The following MRAP2 variants were observed in gnomAD, a reference collection of about 807,000 sequenced individuals.
MRAP2 encodes melanocortin 2 receptor accessory protein 2, also known as melanocortin-2 receptor accessory protein 2.
In MRAP2, 20 loss-of-function variants were observed where a neutral mutation model predicts 17.4. The observed-to-expected ratio is 1.15, with a 90% confidence interval of 0.81 to 1.67. The LOEUF is 1.67. Ranked by LOEUF, MRAP2 falls within the 40% of genes most tolerant of loss-of-function variation. The probability of loss-of-function intolerance (pLI) is 0.00; values close to 1 mark genes in which losing one functional copy is unlikely to be tolerated. For synonymous variants in MRAP2, 96 were observed against 88.4 expected (o/e 1.09, Z -0.48); for missense variants, 238 against 240.0 (o/e 0.99, Z 0.05).
the MRAP2 span, among the ~76,000 whole-genome samples, chr6:84,097,161 C>T: frequency 6.6e-6 from 1 of 152,132 alleles, no homozygotes; most frequent in Non-Finnish European, 1.5e-5. Flanking sequence ...TGATCTATGT[C>T]CTACTCTCCT....
At chr6:84,045,296 G>A in intron 1 of MRAP2, 1 of 985,300 alleles carries the variant, frequency 1.0e-6, no homozygotes, top group Non-Finnish European at 1.2e-6. Flanking sequence ...GAGCTGTCAG[G>A]TACAGCTGAT....
intron 3 of MRAP2, among the ~76,000 whole-genome samples, chr6:84,073,787 A>G (rs187967653): frequency 3.2e-4 from 49 of 152,308 alleles, no homozygotes; most frequent in African/African-American, 1.1e-3. Flanking sequence ...TTGTAAACCA[A>G]GCTTGTCCAA....
intron 2 of MRAP2, among the ~76,000 whole-genome samples, chr6:84,056,124 C>T (rs1268055287): frequency 6.6e-6 from 1 of 152,156 alleles, no homozygotes; most frequent in Non-Finnish European, 1.5e-5. Flanking sequence ...AACTGCTGCC[C>T]AGTCTCAGAT....
chr6:84,088,387 T>C (rs924980758), intron 3 of MRAP2, among the ~76,000 whole-genome samples: 7 of 152,236 alleles, frequency 4.6e-5, no homozygotes, highest in Non-Finnish European at 1.0e-4. Context: ...ACTGCTTATT[T>C]GTTCCACGTT....
Position 84,089,202 on chromosome 6 carries a change from G to A in MRAP2, c.339G>A (p.Arg113=). Residue 113 remains arginine (R), a synonymous_variant, in exon 4 of 4, where the codon AGG becomes AGA. Coordinates refer to ENST00000257776, the MANE Select transcript of MRAP2 (RefSeq NM_138409.4). ...VFSRQGNEES[R]SLFHCYINEV... ...CTCGCCAAGGCAACGAGGAGTCCAG[G>A]TCTCTCTTTCACTGCTACATCAATG... The A allele has an allele frequency of 6.2e-7, 1 of 1,614,188 alleles. No individual in the cohort carries two copies. Among genetic ancestry groups the A allele is most frequent in the South Asian group, 1.1e-5 (1 of 91,090 alleles).
chr6:84,084,590 T>C (rs993096777), intron 3 of MRAP2, among the ~76,000 whole-genome samples: 2 of 152,226 alleles, frequency 1.3e-5, no homozygotes, highest in Admixed American at 6.5e-5. Flanking sequence ...TGGAATGCCA[T>C]AAGCAGTGAG....
At chr6:84,122,902 TACAAAAC>T in the MRAP2 span, among the ~76,000 whole-genome samples, 1 of 151,970 alleles carries the variant, frequency 6.6e-6, no homozygotes, top group South Asian at 2.1e-4. Context: ...AAAATCAATA[TACAAAAC>T]CCAGTGGAAT....
intron 3 of MRAP2, among the ~76,000 whole-genome samples, chr6:84,082,995 A>T (rs1413221426): frequency 2.0e-5 from 3 of 152,070 alleles, no homozygotes; most frequent in African/African-American, 7.2e-5. Flanking sequence ...CACCTTATCT[A>T]AAAAAAGTTC....
chr6:84,091,762 T>C (rs2099501819), downstream of MRAP2, among the ~76,000 whole-genome samples: 4 of 152,168 alleles, frequency 2.6e-5, no homozygotes, highest in South Asian at 8.3e-4. Flanking sequence ...TTGCCCCTTC[T>C]GCAAATCAGC....
chr6:84,098,653 A>T, the MRAP2 span, among the ~76,000 whole-genome samples: 1 of 152,136 alleles, frequency 6.6e-6, no homozygotes, highest in Non-Finnish European at 1.5e-5. Flanking sequence ...TTTAAATTGT[A>T]TTCATTCTAA....
chr6:84,044,652 TCTC>T (rs1183415540), intron 1 of MRAP2, among the ~76,000 whole-genome samples: 15 of 152,324 alleles, frequency 9.8e-5, no homozygotes, highest in Middle Eastern at 6.8e-3. Flanking sequence ...TGTGTCCTAA[TCTC>T]CTCTTCTTAT....
chr6:84,143,194 T>C, the MRAP2 span, among the ~76,000 whole-genome samples: 1 of 152,082 alleles, frequency 6.6e-6, no homozygotes, highest in East Asian at 1.9e-4. Context: ...CTCATATTGC[T>C]GAACATAACC....
intron 3 of MRAP2, among the ~76,000 whole-genome samples, chr6:84,082,412 T>C (rs1370832791): frequency 6.6e-6 from 1 of 152,240 alleles, no homozygotes; most frequent in Non-Finnish European, 1.5e-5. Context: ...GAACCTTTCA[T>C]GACCTGCTCA....
At chr6:84,143,596 A>G in the MRAP2 span, among the ~76,000 whole-genome samples, 1 of 152,002 alleles carries the variant, frequency 6.6e-6, no homozygotes, top group African/African-American at 2.4e-5. Context: ...GAAGAACAAA[A>G]AAATGAATGA....
chr6:84,119,834 T>G, the MRAP2 span, among the ~76,000 whole-genome samples: 1 of 152,180 alleles, frequency 6.6e-6, no homozygotes, highest in Admixed American at 6.5e-5. Flanking sequence ...TCCAATCAGA[T>G]TAGAAAGCAA....
chr6:84,095,116 T>C (rs936448691), downstream of MRAP2, among the ~76,000 whole-genome samples: 1 of 152,204 alleles, frequency 6.6e-6, no homozygotes, highest in African/African-American at 2.4e-5. Flanking sequence ...CTCAAGGAGA[T>C]GCTGTGCACA....
chr6:84,088,361 C>T (rs969151725), intron 3 of MRAP2, among the ~76,000 whole-genome samples: 20 of 152,168 alleles, frequency 1.3e-4, no homozygotes, highest in African/African-American at 4.8e-4. Context: ...CTCATTGACT[C>T]ATTTATTACC....
intron 3 of MRAP2, among the ~76,000 whole-genome samples, chr6:84,068,009 T>G (rs558767684): frequency 2.0e-5 from 3 of 152,320 alleles, no homozygotes; most frequent in African/African-American, 7.2e-5. Flanking sequence ...CTTCTAGAAT[T>G]TTTACAGTTT....
chr6:84,108,074 C>T, the MRAP2 span, among the ~76,000 whole-genome samples: 8 of 152,162 alleles, frequency 5.3e-5, no homozygotes, highest in African/African-American at 1.7e-4. Flanking sequence ...AATTATTATG[C>T]CCTTTCCCCA....
Sources: allele counts gnomAD v4.1 joint callset (sites outside exome capture counted in the v4.1 genomes callset), GRCh38; gene constraint gnomAD v4.1.1; transcripts MANE v1.5; gene names NCBI Gene and HGNC (gene_info 2026-07-23, HGNC 2026-07-21).